Variants in ADORA1 observed in about 807,000 individuals in gnomAD.
The protein encoded by ADORA1 is adenosine A1 receptor.
A neutral mutation model predicts 19.9 loss-of-function variants in ADORA1; 6 were observed. The observed-to-expected ratio is 0.30, with a 90% CI of 0.17 to 0.59. The LOEUF (loss-of-function observed/expected upper bound fraction) is 0.59. ADORA1 is among the 20% of genes least tolerant of loss of function. ADORA1 has a pLI of 0.87. For missense variants in ADORA1, 302 were observed against 439.2 expected (o/e 0.69, Z 2.79); for synonymous variants, 194 against 188.4 (o/e 1.03, Z -0.24).
intron 3 of ADORA1, among the ~76,000 whole-genome samples, chr1:203,143,677 C>T (rs1175153439): frequency 6.6e-6 from 1 of 152,224 alleles, no homozygotes; most frequent in African/African-American, 2.4e-5. Flanking sequence ...CCCCTGCCCC[C>T]AGTCCCTCAT....
rs965266425 is a variant in ADORA1 at position 203,166,662 on chromosome 1, G to A, written c.*762G>A. On this transcript the variant is annotated 3_prime_UTR_variant, in exon 4 of 4. Coordinates refer to ENST00000337894, the MANE Select transcript of ADORA1 (RefSeq NM_000674.3). Reference sequence around the variant, plus strand: ...AGGTGCTGGCCTCAAACAGCCACGAGGTGGTAGCTCTGAGCCCTCCTTCTT... The same window carrying A: ...AGGTGCTGGCCTCAAACAGCCACGAAGTGGTAGCTCTGAGCCCTCCTTCTT... The A allele has an allele frequency of 1.3e-5, 2 of 152,462 alleles. No individual in the cohort carries two copies. Among genetic ancestry groups the A allele is most frequent in the African/African-American group, 4.8e-5 (2 of 41,418 alleles). 9.4% of individuals were successfully genotyped at this position (152,462 alleles called of 1,614,324 possible). A position where few individuals can be genotyped will look rare whatever the true frequency, so the allele number is the denominator to read the frequency against.
chr1:203,128,309 A>G lies in ADORA1; in HGVS notation c.-181A>G. On this transcript the variant is annotated 5_prime_UTR_variant, in exon 2 of 4. Transcript: ENST00000337894. This position sits in a 1 kb window ranked among gnomAD's most constrained non-coding sequence, Gnocchi z 5.9. ...CTGGGAGCGCTGCGGCGGGAGCCGG[A>G]GGACTATGAGCTGCCGCGCGTTGTC... 2 of 1,281,156 alleles carry G rather than the reference A, an allele frequency of 1.6e-6. No homozygotes were observed. The highest frequency in any genetic ancestry group is 2.0e-6 in the Non-Finnish European group (2 of 983,016). The allele number at this position is 1,281,156 out of a possible 1,614,324, so 79.4% of individuals were successfully genotyped here.
intron 3 of ADORA1, among the ~76,000 whole-genome samples, chr1:203,155,016 T>TTTATTTTTATTA (rs1655151548): frequency 1.4e-5 from 2 of 142,360 alleles, no homozygotes; most frequent in African/African-American, 5.2e-5. Context: ...GCTCTTCCTA[T>TTTATTTTTATTA]TTATTATTAT....
chr1:203,129,384 T>C (rs1221119552), intron 3 of ADORA1: 2 of 761,992 alleles, frequency 2.6e-6, no homozygotes, highest in African/African-American at 1.9e-5. Context: ...GCTGGAGGAC[T>C]GTACTGTGAA....
intron 3 of ADORA1, among the ~76,000 whole-genome samples, chr1:203,145,587 C>T (rs1421572214): frequency 6.6e-6 from 1 of 152,240 alleles, no homozygotes; most frequent in Non-Finnish European, 1.5e-5. Flanking sequence ...TGGAGTCTGG[C>T]TGGCTGAGCC....
In ADORA1 at chr1:203,128,254, C is replaced by A; in HGVS notation, c.-212-24C>A. The A allele has an allele frequency of 1.1e-5, 13 of 1,171,512 alleles. No homozygotes were observed. The highest frequency in any genetic ancestry group is 1.3e-5 in the South Asian group (1 of 75,028). The allele number at this position is 1,171,512 out of a possible 1,614,324, so 72.6% of individuals were successfully genotyped here. The stretch of plus-strand genomic sequence containing the variant: ...AAAAGCGTCCGGGGCTGAGTCTCTG[C>A]CGTACCATGTGATTGCTTGAAAGGC... On this transcript the variant is annotated intron_variant, in intron 1 of 3. Transcript: ENST00000337894. The surrounding 1 kb of genome is among the most constrained non-coding windows in gnomAD (Gnocchi z 5.9).
In ADORA1 at chr1:203,150,979, A is replaced by C. The variant is rs1193841042; in HGVS notation, c.342-14282A>C. Among the ~76,000 whole-genome samples, 4 of 152,192 alleles carry C rather than the reference A, an allele frequency of 2.6e-5. No homozygotes were observed. The East Asian group carries it at 7.7e-4, about 29-fold the overall frequency. On this transcript the variant is annotated intron_variant, in intron 3 of 3. Coordinates refer to ENST00000337894, the MANE Select transcript of ADORA1 (RefSeq NM_000674.3). ...CCTCTTGTCACTCCAGACTGTCAGC[A>C]GGCATCCAACCTGCTTTCTAGGTCC...
intron 3 of ADORA1, among the ~76,000 whole-genome samples, chr1:203,152,977 G>A (rs1655085010): frequency 1.3e-5 from 2 of 152,184 alleles, no homozygotes; most frequent in Non-Finnish European, 2.9e-5. Flanking sequence ...TTGAAAACAT[G>A]CCTCCTCCAA....
intron 3 of ADORA1, among the ~76,000 whole-genome samples, chr1:203,137,644 AT>A (rs1475932503): frequency 6.6e-6 from 1 of 152,202 alleles, no homozygotes; most frequent in Non-Finnish European, 1.5e-5. Context: ...TGCATTTAAA[AT>A]TTTTAACTTT....
chr1:203,143,879 G>T (rs1428841606), intron 3 of ADORA1, among the ~76,000 whole-genome samples: 1 of 152,132 alleles, frequency 6.6e-6, no homozygotes, highest in African/African-American at 2.4e-5. Flanking sequence ...AACGGCCACG[G>T]TGGCAGGAGG....
Position 203,128,865 on chromosome 1 carries a change from C to A in ADORA1, c.24C>A (p.Phe8Leu). 1 of 1,605,258 alleles carries A rather than the reference C, an allele frequency of 6.2e-7. No homozygotes were observed. Among genetic ancestry groups the A allele is most frequent in the Admixed American group, 1.7e-5 (1 of 59,836 alleles). ...CCATGCCGCCCTCCATCTCAGCTTT[C>A]CAGGCCGCCTACATCGGCATCGAGG... is the stretch of plus-strand genomic sequence containing the variant. MPPSISA[F>L]QAAYIGIEVL... is the part of the protein sequence containing the mutation. Residue 8 changes from phenylalanine to leucine, a missense_variant, in exon 3 of 4, where the codon TTC becomes TTA. Phe to Leu is a conservative substitution (Grantham distance 22). Coordinates refer to ENST00000337894, the MANE Select transcript of ADORA1 (RefSeq NM_000674.3). The surrounding 1 kb of genome is among the most constrained non-coding windows in gnomAD (Gnocchi z 5.9).
intron 3 of ADORA1, among the ~76,000 whole-genome samples, chr1:203,157,963 A>G (rs529516598): frequency 1.8e-4 from 27 of 152,336 alleles, no homozygotes; most frequent in Non-Finnish European, 3.7e-4. Context: ...ATACCTGTGT[A>G]GTCATTCTCC....
intron 3 of ADORA1, among the ~76,000 whole-genome samples, chr1:203,143,336 C>T (rs933494928): frequency 2.0e-5 from 3 of 152,212 alleles, no homozygotes; most frequent in African/African-American, 7.2e-5. Context: ...GGGACCCCTA[C>T]CTTGATGACC....
intron 3 of ADORA1, among the ~76,000 whole-genome samples, chr1:203,143,331 C>T (rs1654754676): frequency 6.6e-6 from 1 of 152,138 alleles, no homozygotes; most frequent in Admixed American, 6.5e-5. Context: ...CTGGGGGGAC[C>T]CCTACCTTGA....
Position 203,128,723 on chromosome 1 carries a change from A to C in ADORA1, c.-57-62A>C. 6.7e-7 allele frequency: 1 copy of C among 1,494,424 alleles called. No homozygotes were observed. Among genetic ancestry groups the C allele is most frequent in the Non-Finnish European group, 8.9e-7 (1 of 1,128,718 alleles). 92.6% of individuals were successfully genotyped at this position (1,494,424 alleles called of 1,614,324 possible). A position where few individuals can be genotyped will look rare whatever the true frequency, so the allele number is the denominator to read the frequency against. On this transcript the variant is annotated intron_variant, in intron 2 of 3. Coordinates refer to ENST00000337894, the MANE Select transcript of ADORA1 (RefSeq NM_000674.3). The surrounding 1 kb of genome is among the most constrained non-coding windows in gnomAD (Gnocchi z 5.9). ...CACAGGGTACCTGGAGTTCCAGGGCAGCCTGAGCTCCCTGCCCCTCCCAGA... is the reference window on the plus strand; with the variant it reads ...CACAGGGTACCTGGAGTTCCAGGGCCGCCTGAGCTCCCTGCCCCTCCCAGA...
intron 3 of ADORA1, among the ~76,000 whole-genome samples, chr1:203,155,439 G>A (rs779072889): frequency 1.1e-4 from 17 of 152,176 alleles, no homozygotes; most frequent in Admixed American, 3.9e-4. Context: ...CTCTAAGGGT[G>A]TAGACAAGGA....
At chr1:203,140,351 G>A (rs567781213) in intron 3 of ADORA1, among the ~76,000 whole-genome samples, 1 of 152,292 alleles carries the variant, frequency 6.6e-6, no homozygotes, top group Admixed American at 6.5e-5. Flanking sequence ...GAAATAGGTT[G>A]AGGTGCAACG....
At chr1:203,143,031 A>G (rs781228252) in intron 3 of ADORA1, among the ~76,000 whole-genome samples, 1 of 152,202 alleles carries the variant, frequency 6.6e-6, no homozygotes, top group Non-Finnish European at 1.5e-5. Flanking sequence ...GATGCAAACA[A>G]CATTCAGAGT....
chr1:203,147,515 C>T (rs774644816), intron 3 of ADORA1, among the ~76,000 whole-genome samples: 6 of 152,186 alleles, frequency 3.9e-5, no homozygotes, highest in Non-Finnish European at 8.8e-5. Context: ...GATATTGGGC[C>T]GAGTGCCACT....
Sources: gnomAD v4.1 joint callset for allele counts (sites outside exome capture counted in the v4.1 genomes callset) on GRCh38, gnomAD v4.1.1 for gene constraint, Gnocchi (gnomAD v3.1) non-coding constraint, MANE v1.5 for transcripts, NCBI Gene and HGNC (gene_info 2026-07-23, HGNC 2026-07-21) for gene names.